The following ZFAND4 variants were observed in gnomAD, a reference collection of about 807,000 sequenced individuals.
The protein encoded by ZFAND4 is AN1-type zinc finger protein 4.
Under a neutral mutation model 64.4 loss-of-function variants are expected in ZFAND4, and 43 were observed. The observed-to-expected ratio is 0.67, with a 90% confidence interval of 0.52 to 0.86. The LOEUF (loss-of-function observed/expected upper bound fraction) is 0.86. Among genes scored for constraint, ZFAND4 ranks in the 40% least tolerant of loss-of-function variants. The pLI, the probability that ZFAND4 is intolerant of heterozygous loss-of-function variation, is 0.00. For synonymous variants in ZFAND4, 296 were observed against 305.7 expected (o/e 0.97, Z 0.33); for missense variants, 929 against 859.8 (o/e 1.08, Z -1.01).
intron 9 of ZFAND4, among the ~76,000 whole-genome samples, chr10:45,616,822 C>T (rs536233090): frequency 1.3e-5 from 2 of 152,194 alleles, no homozygotes; most frequent in South Asian, 4.1e-4. Flanking sequence ...AGACCAGGGG[C>T]GGTGGCTCAA....
intron 6 of ZFAND4, among the ~76,000 whole-genome samples, chr10:45,629,498 A>T (rs2046063943): frequency 6.6e-6 from 1 of 152,176 alleles, no homozygotes; most frequent in Non-Finnish European, 1.5e-5. Context: ...AAGGGAAAAT[A>T]AGGATCCTTC....
chr10:45,640,404 A>T, intron 5 of ZFAND4: 2 of 1,236,686 alleles, frequency 1.6e-6, no homozygotes, highest in Non-Finnish European at 2.1e-6. Flanking sequence ...ATTTTTAGTC[A>T]TCCTGAGGAG....
intron 8 of ZFAND4, 108 bp from the exon 9 acceptor site, chr10:45,618,368 A>G: frequency 7.5e-7 from 1 of 1,337,248 alleles, no homozygotes; most frequent in Non-Finnish European, 1.0e-6. Context: ...TATCTATGCC[A>G]TAAAAATTAA....
chr10:45,620,597 TC>T (rs1288924963), intron 8 of ZFAND4, among the ~76,000 whole-genome samples: 1 of 152,174 alleles, frequency 6.6e-6, no homozygotes, highest in African/African-American at 2.4e-5. Context: ...CATACATCCT[TC>T]TACCAATAGA....
rs200197026 is a variant in ZFAND4, at chr10:45,616,499, T to G, written c.2121A>C (p.Ala707=). Residue 707 remains alanine, a synonymous_variant, in exon 10 of 10, where the codon GCA becomes GCC. Coordinates refer to ENST00000344646, the MANE Select transcript of ZFAND4 (RefSeq NM_174890.4). Reference sequence around the variant, plus strand: ...TTGCCTCGTGCAAGTATCTCCTCCCTGCACTCTTGTAATCATAGGTACAGC... The same window carrying G: ...TTGCCTCGTGCAAGTATCTCCTCCCGGCACTCTTGTAATCATAGGTACAGC... ...THGCTYDYKS[A]GRRYLHEANP... 1.2e-6 allele frequency: 2 copies of G among 1,614,234 alleles called. No individual in the cohort carries two copies. Among genetic ancestry groups the G allele is most frequent in the Admixed American group, 3.3e-5 (2 of 60,026 alleles).
At chr10:45,625,112 G>A (rs2045703961) in intron 7 of ZFAND4, among the ~76,000 whole-genome samples, 1 of 151,490 alleles carries the variant, frequency 6.6e-6, no homozygotes, top group Admixed American at 6.6e-5. Flanking sequence ...TGGAGGTCAA[G>A]GCTGCAGTGA....
intron 6 of ZFAND4, among the ~76,000 whole-genome samples, chr10:45,628,087 T>G (rs940021854): frequency 1.3e-5 from 2 of 152,098 alleles, no homozygotes; most frequent in Non-Finnish European, 2.9e-5. Context: ...CAAGATCTTA[T>G]GAATAAAGTT....
At chr10:45,632,443 G>C (rs761135855) in intron 6 of ZFAND4, among the ~76,000 whole-genome samples, 8 of 151,972 alleles carry the variant, frequency 5.3e-5, no homozygotes, top group Non-Finnish European at 1.2e-4. Flanking sequence ...ATTTGTAAAG[G>C]CTATGTTTTC....
chr10:45,634,201 G>T (rs2046400875), intron 6 of ZFAND4, among the ~76,000 whole-genome samples: 1 of 152,140 alleles, frequency 6.6e-6, no homozygotes, highest in African/African-American at 2.4e-5. Flanking sequence ...ATTAATTGAT[G>T]AATCTAGTCT....
intron 8 of ZFAND4, 97 bp from the exon 9 acceptor site, chr10:45,618,357 ATATC>A (rs1352200574): frequency 1.9e-5 from 27 of 1,402,660 alleles, no homozygotes; most frequent in Non-Finnish European, 2.5e-5. Context: ...ATCAAAGTAA[ATATC>A]TATGCCATAA....
rs760904535 is a variant in ZFAND4 at position 45,626,157 on chromosome 10, C to G, written c.1666G>C (p.Ala556Pro). 1.2e-6 allele frequency: 2 copies of G among 1,614,102 alleles called. No individual in the cohort carries two copies. The highest frequency in any genetic ancestry group is 2.2e-5 in the South Asian group (2 of 91,080). ...ACACAACCAACAGGCTCTTTGGAAG[C>G]CTTGTTAGTCATTTCTGTGATATCC... ...ARDITEMTNK[A>P]SKEPVGCVNN... is the part of the protein sequence containing the mutation. Residue 556 changes from alanine to proline, a missense_variant, in exon 7 of 10, where the codon GCT becomes CCT. By Grantham distance (27) the Ala-to-Pro change is conservative. Transcript: ENST00000344646.
chr10:45,665,541 T>TCA (rs1426900316), intron 1 of ZFAND4, among the ~76,000 whole-genome samples: 37 of 151,676 alleles, frequency 2.4e-4, no homozygotes, highest in Non-Finnish European at 4.6e-4. Flanking sequence ...ACTCCATCAT[T>TCA]AAATAAGAAA....
intron 8 of ZFAND4, among the ~76,000 whole-genome samples, chr10:45,619,287 G>T (rs892152768): frequency 6.6e-6 from 1 of 151,676 alleles, no homozygotes; most frequent in Non-Finnish European, 1.5e-5. Flanking sequence ...CTCATGATCC[G>T]CCCATCTCAA....
intron 6 of ZFAND4, among the ~76,000 whole-genome samples, chr10:45,628,449 T>C (rs2045985707): frequency 6.6e-6 from 1 of 152,102 alleles, no homozygotes; most frequent in South Asian, 2.1e-4. Flanking sequence ...GCTGGGATTA[T>C]GGGCACCCGC....
chr10:45,642,169 CTGA>C (rs2047045611), intron 5 of ZFAND4, among the ~76,000 whole-genome samples: 1 of 152,212 alleles, frequency 6.6e-6, no homozygotes, highest in Non-Finnish European at 1.5e-5. Context: ...TTAAATACTT[CTGA>C]GTTACTCTGT....
At chr10:45,633,078 A>C (rs2046330830) in intron 6 of ZFAND4, among the ~76,000 whole-genome samples, 1 of 152,174 alleles carries the variant, frequency 6.6e-6, no homozygotes, top group Non-Finnish European at 1.5e-5. Flanking sequence ...TATGTTATTA[A>C]TATTTATGTA....
intron 4 of ZFAND4, chr10:45,650,368 C>G (rs887667867): frequency 1.3e-5 from 2 of 152,156 alleles, no homozygotes; most frequent in Admixed American, 6.6e-5. Flanking sequence ...TCTCAAACTC[C>G]TGACCTCAAT....
At chr10:45,629,525 C>A (rs1357959136) in intron 6 of ZFAND4, among the ~76,000 whole-genome samples, 1 of 152,110 alleles carries the variant, frequency 6.6e-6, no homozygotes, top group Admixed American at 6.5e-5. Context: ...AGTAGTGAAT[C>A]ACAAATCAGA....
chr10:45,642,759 T>C (rs928314545), intron 5 of ZFAND4, among the ~76,000 whole-genome samples: 3 of 151,684 alleles, frequency 2.0e-5, no homozygotes, highest in African/African-American at 7.3e-5. Context: ...TAGAATCCAA[T>C]CACAAATTTT....
Sources: allele counts gnomAD v4.1 joint callset (sites outside exome capture counted in the v4.1 genomes callset), GRCh38; gene constraint gnomAD v4.1.1; transcripts MANE v1.5; gene names NCBI Gene and HGNC (gene_info 2026-07-23, HGNC 2026-07-21).